Variants in BARD1 observed in about 807,000 individuals in gnomAD.
The protein encoded by BARD1 is BRCA1-associated RING domain protein 1.
Under a neutral mutation model 77.0 loss-of-function variants are expected in BARD1, and 73 were observed. The ratio of observed to expected loss-of-function variants is 0.95; its 90% confidence interval spans 0.79 to 1.15. The LOEUF is 1.15. BARD1 is among the 50% of genes most tolerant of loss of function. The pLI is 0.00. For missense variants in BARD1, 993 were observed against 938.8 expected (o/e 1.06, Z -0.75); for synonymous variants, 384 against 338.0 (o/e 1.14, Z -1.49).
At chr2:214,796,288 C>T (rs1454395815) in intron 2 of BARD1, among the ~76,000 whole-genome samples, 2 of 152,110 alleles carry the variant, frequency 1.3e-5, no homozygotes, top group Non-Finnish European at 2.9e-5. Context: ...TGAATTGTGT[C>T]CCCCAAAAAG....
chr2:214,775,673 A>C (rs1343142465), intron 4 of BARD1, among the ~76,000 whole-genome samples: 2 of 152,174 alleles, frequency 1.3e-5, no homozygotes, highest in African/African-American at 4.8e-5. Context: ...TGCGAAGCAT[A>C]AAAAAGTGAA....
At chr2:214,784,734 G>A (rs540177263) in intron 3 of BARD1, among the ~76,000 whole-genome samples, 1 of 152,230 alleles carries the variant, frequency 6.6e-6, no homozygotes, top group South Asian at 2.1e-4. Flanking sequence ...CAGGGACATG[G>A]ATGAAGCTGG....
chr2:214,777,987 G>C (rs1238538177), intron 4 of BARD1, among the ~76,000 whole-genome samples: 1 of 152,180 alleles, frequency 6.6e-6, no homozygotes, highest in Non-Finnish European at 1.5e-5. Flanking sequence ...CCTGAGGTGA[G>C]GAGTTCGAGA....
At chr2:214,748,718 C>A (rs1446365) in intron 7 of BARD1, among the ~76,000 whole-genome samples, 20 of 151,678 alleles carry the variant, frequency 1.3e-4, no homozygotes, top group Middle Eastern at 3.4e-3. Context: ...AATTCAAACC[C>A]CTTCCTTTAG....
intron 7 of BARD1, among the ~76,000 whole-genome samples, chr2:214,751,115 GTGTATA>G (rs1172998522): frequency 1.3e-3 from 15 of 11,688 alleles, no homozygotes; most frequent in South Asian, 4.5e-3. Flanking sequence ...GTGTGTGTGT[GTGTATA>G]TATATATATA....
At chr2:214,750,103 C>G (rs1412479612) in intron 7 of BARD1, among the ~76,000 whole-genome samples, 3 of 152,112 alleles carry the variant, frequency 2.0e-5, no homozygotes, top group African/African-American at 7.2e-5. Flanking sequence ...CAGCTCCTCC[C>G]TTTCTGTTAC....
At chr2:214,793,406 C>A (rs576319174) in intron 2 of BARD1, among the ~76,000 whole-genome samples, 2 of 152,236 alleles carry the variant, frequency 1.3e-5, no homozygotes, top group African/African-American at 4.8e-5. Context: ...CCATCTAATT[C>A]AAAAAATGTC....
chr2:214,807,284 G>A (rs1250298741), intron 1 of BARD1, among the ~76,000 whole-genome samples: 1 of 152,008 alleles, frequency 6.6e-6, no homozygotes, highest in Admixed American at 6.6e-5. Context: ...CTAAAAGTCT[G>A]GGCCTGGTTA....
At chr2:214,750,962 A>AT (rs995561091) in intron 7 of BARD1, among the ~76,000 whole-genome samples, 4 of 151,350 alleles carry the variant, frequency 2.6e-5, no homozygotes, top group Non-Finnish European at 5.9e-5. Flanking sequence ...AAAGTAATAA[A>AT]TTGTCTTCAA....
intron 9 of BARD1, 63 bp downstream of exon 9, chr2:214,745,004 A>T: frequency 7.4e-7 from 1 of 1,359,334 alleles, no homozygotes; most frequent in Non-Finnish European, 1.0e-6. Context: ...CACAGGCATT[A>T]ATAACCATGA....
intron 4 of BARD1, among the ~76,000 whole-genome samples, chr2:214,771,241 A>G (rs1277073375): frequency 6.6e-6 from 1 of 152,172 alleles, no homozygotes; most frequent in African/African-American, 2.4e-5. Context: ...AAGACCAAAT[A>G]AAAAGCTATA....
At chr2:214,732,396 T>TC (rs1365760891) in intron 9 of BARD1, among the ~76,000 whole-genome samples, 1 of 151,770 alleles carries the variant, frequency 6.6e-6, no homozygotes, top group Non-Finnish European at 1.5e-5. Context: ...GATTTTTTTT[T>TC]CTTTTTTTTT....
intron 7 of BARD1, among the ~76,000 whole-genome samples, chr2:214,752,008 G>A (rs1415406203): frequency 1.3e-5 from 2 of 152,160 alleles, no homozygotes; most frequent in Non-Finnish European, 1.5e-5. Flanking sequence ...AGTGCTTTAA[G>A]GCTCCACTCT....
Position 214,728,664 on chromosome 2 carries a change from C to G in BARD1, c.*12G>C, listed in dbSNP as rs760800175. On this transcript the variant is annotated 3_prime_UTR_variant, in exon 11 of 11. Transcript: ENST00000260947. Reference sequence around the variant, plus strand: ...TGCAAATTCAATTTGAAATGTTCATCTGGTATAATATTCAGCTGTCAAGAG... The same window carrying G: ...TGCAAATTCAATTTGAAATGTTCATGTGGTATAATATTCAGCTGTCAAGAG... 1 of 1,613,124 alleles carries G rather than the reference C, an allele frequency of 6.2e-7. No individual in the cohort carries two copies. The highest frequency in any genetic ancestry group is 8.5e-7 in the Non-Finnish European group (1 of 1,179,652).
intron 4 of BARD1, among the ~76,000 whole-genome samples, chr2:214,771,032 T>C (rs1694458897): frequency 6.6e-6 from 1 of 152,200 alleles, no homozygotes; most frequent in Non-Finnish European, 1.5e-5. Context: ...ATACTGTCCC[T>C]TTGTAAAACA....
intron 4 of BARD1, among the ~76,000 whole-genome samples, chr2:214,777,851 T>C (rs1346660395): frequency 2.6e-5 from 4 of 152,212 alleles, no homozygotes. Context: ...CATAGATTTA[T>C]TCATTCTTGG....
intron 9 of BARD1, among the ~76,000 whole-genome samples, chr2:214,742,716 T>G (rs1692901089): frequency 6.6e-6 from 1 of 152,172 alleles, no homozygotes; most frequent in South Asian, 2.1e-4. Context: ...AAGGCATATT[T>G]TATGGAAATA....
chr2:214,732,418 CAG>C (rs1319011038), intron 9 of BARD1, among the ~76,000 whole-genome samples: 1 of 146,980 alleles, frequency 6.8e-6, no homozygotes, highest in African/African-American at 2.5e-5. Flanking sequence ...TTTTCTGAGA[CAG>C]AGTCTTGCAC....
chr2:214,796,883 C>G (rs1221607087), intron 2 of BARD1, 178 bp downstream of exon 2: 78 of 613,422 alleles, frequency 1.3e-4, no homozygotes, highest in Non-Finnish European at 2.2e-4. Context: ...CTTTGGTTTT[C>G]TTATTTGTAA....
Sources: allele counts gnomAD v4.1 joint callset (sites outside exome capture counted in the v4.1 genomes callset), GRCh38; gene constraint gnomAD v4.1.1; transcripts MANE v1.5; gene names NCBI Gene and HGNC (gene_info 2026-07-23, HGNC 2026-07-21).